The following PALM2AKAP2 variants were observed in gnomAD, a reference collection of about 807,000 sequenced individuals.
The protein encoded by PALM2AKAP2 is PALM2-AKAP2 fusion protein.
PALM2AKAP2 carries 37 observed loss-of-function variants against 71.5 expected under a neutral mutation model. The ratio of observed to expected loss-of-function variants is 0.52; its 90% CI spans 0.40 to 0.68. The LOEUF (loss-of-function observed/expected upper bound fraction) is 0.68, where lower values mean the gene tolerates loss of function less well. Among genes scored for constraint, PALM2AKAP2 ranks in the 30% least tolerant of loss-of-function variants. The probability of loss-of-function intolerance (pLI) is 0.00; values close to 1 mark genes in which losing one functional copy is unlikely to be tolerated. For missense variants in PALM2AKAP2, 1,224 were observed against 1,191.8 expected (o/e 1.03, Z -0.40); for synonymous variants, 468 against 478.8 (o/e 0.98, Z 0.29).
chr9:110,001,814 TTGTC>T (rs1371888869), intron 6 of PALM2AKAP2, among the ~76,000 whole-genome samples: 2 of 152,192 alleles, frequency 1.3e-5, no homozygotes, highest in African/African-American at 4.8e-5. Flanking sequence ...GGCTCTCTGT[TTGTC>T]TGTTATTGGT....
intron 1 of PALM2AKAP2, among the ~76,000 whole-genome samples, chr9:109,673,919 C>A (rs1191528252): frequency 1.3e-5 from 2 of 152,062 alleles, no homozygotes; most frequent in African/African-American, 4.8e-5. Flanking sequence ...AGGATTGCAA[C>A]CCCTGCTTTT....
intron 1 of PALM2AKAP2, among the ~76,000 whole-genome samples, chr9:110,086,234 G>C (rs1446251830): frequency 6.6e-6 from 1 of 152,042 alleles, no homozygotes; most frequent in African/African-American, 2.4e-5. Context: ...AAAACTATGT[G>C]CTTGCTATTT....
chr9:109,683,791 G>C (rs1827771245), intron 1 of PALM2AKAP2, among the ~76,000 whole-genome samples: 1 of 152,024 alleles, frequency 6.6e-6, no homozygotes, highest in South Asian at 2.1e-4. Context: ...ACTGCTCTGT[G>C]ACTCAGGTTT....
chr9:109,907,162 CTCT>C, intron 3 of PALM2AKAP2, among the ~76,000 whole-genome samples: 1 of 152,326 alleles, frequency 6.6e-6, no homozygotes, highest in Non-Finnish European at 1.5e-5. Flanking sequence ...TACTCAGACT[CTCT>C]TCTTTGCATT....
chr9:109,662,421 T>C (rs1827413351), intron 1 of PALM2AKAP2, among the ~76,000 whole-genome samples: 2 of 152,234 alleles, frequency 1.3e-5, no homozygotes, highest in Admixed American at 1.3e-4. Flanking sequence ...TCTATTGAGA[T>C]AATCATGTGG....
chr9:109,681,007 A>G (rs1412319143), intron 1 of PALM2AKAP2, among the ~76,000 whole-genome samples: 1 of 152,252 alleles, frequency 6.6e-6, no homozygotes, highest in Non-Finnish European at 1.5e-5. Context: ...AGGAAAATGG[A>G]AAGTCTTATT....
At chr9:109,649,982 G>A (rs577232459) in intron 1 of PALM2AKAP2, among the ~76,000 whole-genome samples, 43 of 152,180 alleles carry the variant, frequency 2.8e-4, no homozygotes, top group Non-Finnish European at 4.4e-4. Flanking sequence ...TATGAAGAGA[G>A]TGGCAGGGCA....
intron 1 of PALM2AKAP2, among the ~76,000 whole-genome samples, chr9:110,101,500 A>C (rs1834999631): frequency 6.6e-6 from 1 of 152,168 alleles, no homozygotes; most frequent in Non-Finnish European, 1.5e-5. Context: ...AGGCAGACAA[A>C]GGTAGTCACA....
chr9:110,037,178 T>C (rs1833427497), intron 7 of PALM2AKAP2, among the ~76,000 whole-genome samples: 1 of 152,118 alleles, frequency 6.6e-6, no homozygotes, highest in Admixed American at 6.6e-5. Context: ...GACTTTCCTT[T>C]TTTTTTTTCC....
chr9:110,067,669 A>T (rs867488828), intron 1 of PALM2AKAP2, among the ~76,000 whole-genome samples: 6 of 152,228 alleles, frequency 3.9e-5, no homozygotes, highest in African/African-American at 1.4e-4. Flanking sequence ...TGAGAGACAA[A>T]AAGTATCAAG....
In PALM2AKAP2 at chr9:109,953,456, G is replaced by A. The variant is rs920681891; in HGVS notation, c.496+21428G>A. Among the ~76,000 whole-genome samples the A allele has an allele frequency of 5.9e-5, 9 of 152,138 alleles. 1 individual carries two copies. The highest frequency in any genetic ancestry group is 4.1e-4 in the South Asian group (2 of 4,824). On this transcript the variant is annotated intron_variant, in intron 6 of 9. Coordinates refer to the PALM2AKAP2 transcript ENST00000302798. The stretch of plus-strand genomic sequence containing the variant: ...GCTAATGTGGCAGGGCTAAAAATCC[G>A]TGTGGGGTGGAGGAGGGCCAAGTTC...
chr9:109,830,655 C>A (rs188745279), intron 1 of PALM2AKAP2, among the ~76,000 whole-genome samples: 2 of 152,300 alleles, frequency 1.3e-5, no homozygotes, highest in Admixed American at 1.3e-4. Flanking sequence ...ATTTCTAAGC[C>A]TGGCTTGGGA....
chr9:109,814,321 A>T (rs1036166434), intron 1 of PALM2AKAP2, among the ~76,000 whole-genome samples: 1 of 152,246 alleles, frequency 6.6e-6, no homozygotes, highest in African/African-American at 2.4e-5. Flanking sequence ...TTAATGCACA[A>T]GTGTCAATGA....
chr9:109,892,488 G>A (rs1384989823), intron 3 of PALM2AKAP2, among the ~76,000 whole-genome samples: 1 of 152,046 alleles, frequency 6.6e-6, no homozygotes, highest in African/African-American at 2.4e-5. Context: ...TCTTTCTAGG[G>A]CCATCATTCA....
At chr9:110,022,494 T>G (rs984237913) in intron 7 of PALM2AKAP2, among the ~76,000 whole-genome samples, 3 of 152,148 alleles carry the variant, frequency 2.0e-5, no homozygotes, top group African/African-American at 2.4e-5. Context: ...TCTCCCTCTC[T>G]CTTTATATTC....
At chr9:109,740,891 A>G (rs187367991) in intron 1 of PALM2AKAP2, among the ~76,000 whole-genome samples, 6 of 152,264 alleles carry the variant, frequency 3.9e-5, no homozygotes, top group African/African-American at 1.4e-4. Context: ...TGACCTCGTG[A>G]TCTGCCCACC....
chr9:109,711,539 G>A (rs1762012242), intron 1 of PALM2AKAP2, among the ~76,000 whole-genome samples: 1 of 152,244 alleles, frequency 6.6e-6, no homozygotes, highest in Non-Finnish European at 1.5e-5. Context: ...CGACATTGGA[G>A]GGTGGTTAGT....
intron 1 of PALM2AKAP2, among the ~76,000 whole-genome samples, chr9:109,704,178 G>A (rs897405774): frequency 2.0e-5 from 3 of 152,220 alleles, no homozygotes; most frequent in Non-Finnish European, 4.4e-5. Context: ...AACAGAAGAT[G>A]CCCTTCTTCA....
exon 1 of PALM2AKAP2, chr9:110,048,754 C>A: frequency 6.6e-7 from 1 of 1,525,906 alleles, no homozygotes; most frequent in South Asian, 1.2e-5. Context: ...GTCTCCTGGA[C>A]CCCCGGAGTC....
Sources: gnomAD v4.1 joint callset for allele counts (sites outside exome capture counted in the v4.1 genomes callset) on GRCh38, gnomAD v4.1.1 for gene constraint, MANE v1.5 for transcripts, NCBI Gene and HGNC (gene_info 2026-07-23, HGNC 2026-07-21) for gene names.